Variants in KCNH5 observed in about 807,000 individuals in gnomAD.
The protein encoded by KCNH5 is voltage-gated delayed rectifier potassium channel KCNH5.
KCNH5 carries 46 observed loss-of-function variants against 96.1 expected under a neutral mutation model. The observed-to-expected ratio is 0.48, with a 90% CI of 0.38 to 0.61. The LOEUF is 0.61. KCNH5 is among the 20% of genes least tolerant of loss of function. The probability of loss-of-function intolerance (pLI) is 0.00; values close to 1 mark genes in which losing one functional copy is unlikely to be tolerated. For synonymous variants in KCNH5, 439 were observed against 449.8 expected (o/e 0.98, Z 0.30); for missense variants, 907 against 1,225.8 (o/e 0.74, Z 3.88).
At chr14:62,772,808 T>C (rs1468465775) in intron 10 of KCNH5, among the ~76,000 whole-genome samples, 1 of 152,178 alleles carries the variant, frequency 6.6e-6, no homozygotes, top group East Asian at 1.9e-4. Context: ...TCTTAAACAA[T>C]ACTCATATGA....
intron 4 of KCNH5, among the ~76,000 whole-genome samples, chr14:63,000,107 C>G (rs1323862642): frequency 6.6e-6 from 1 of 152,006 alleles, no homozygotes; most frequent in African/African-American, 2.4e-5. Context: ...TGATGTTAAC[C>G]AGAAACTGAG....
chr14:62,795,927 G>T (rs917230323), intron 9 of KCNH5, among the ~76,000 whole-genome samples: 3 of 152,080 alleles, frequency 2.0e-5, no homozygotes, highest in African/African-American at 7.2e-5. Context: ...GAGAGAAAAA[G>T]TATTCTAAAT....
rs144292235 is a variant in KCNH5 at position 63,003,013 on chromosome 14, A to G, written c.305-1554T>C. Among the ~76,000 whole-genome samples, 1,085 of 152,280 alleles carry G rather than the reference A, an allele frequency of 7.1e-3. 1 individual carries two copies. The highest frequency in any genetic ancestry group is 0.031 in the Middle Eastern group (9 of 294). The stretch of plus-strand genomic sequence containing the variant: ...TGGCCTGTAGCTATTCCAACACAGT[A>G]AGCTTGAGGCAGAAGGGTCATAAAC... On this transcript the variant is annotated intron_variant, in intron 3 of 10. Coordinates refer to ENST00000322893, the MANE Select transcript of KCNH5 (RefSeq NM_139318.5).
chr14:62,867,385 C>T (rs927803657), intron 7 of KCNH5, among the ~76,000 whole-genome samples: 3 of 152,154 alleles, frequency 2.0e-5, no homozygotes, highest in African/African-American at 7.2e-5. Context: ...TGATACTTCA[C>T]ACCCCAAAAC....
chr14:62,861,807 C>G (rs17823609), intron 7 of KCNH5, among the ~76,000 whole-genome samples: 21,183 of 152,038 alleles, frequency 0.14, 1,702 homozygotes, highest in East Asian at 0.28. Flanking sequence ...AATGATAAGA[C>G]TTCAGCTATG....
intron 7 of KCNH5, among the ~76,000 whole-genome samples, chr14:62,948,392 T>A (rs1889935109): frequency 6.6e-6 from 1 of 151,968 alleles, no homozygotes; most frequent in African/African-American, 2.4e-5. Flanking sequence ...TCTACGCAAA[T>A]AAACTAGAAA....
rs1884477605 is a variant in KCNH5 at position 62,708,068 on chromosome 14, T to C, written c.2407A>G (p.Met803Val). The change falls in exon 11 of 11, where the codon ATG becomes GTG. Residue 803 changes from methionine to valine, a missense_variant. By Grantham distance (21) the Met-to-Val change is conservative (BLOSUM62 1). Coordinates refer to ENST00000322893, the MANE Select transcript of KCNH5 (RefSeq NM_139318.5). ...CACCCTTTTCCATTTCCATTCTTCA[T>C]TCTTATTGGGCTGTTGACTTTGAGA... ...KCLKVNSPIR[M>V]KNGNGKGWLR... is the part of the protein sequence containing the mutation. 1 of 1,614,118 alleles carries C rather than the reference T, an allele frequency of 6.2e-7. No homozygotes were observed. The highest frequency in any genetic ancestry group is 1.1e-5 in the South Asian group (1 of 91,088).
In KCNH5 at chr14:62,802,426, G is replaced by A. The variant is rs1451770401; in HGVS notation, c.1725C>T (p.Asp575=). The A allele has an allele frequency of 1.9e-6, 3 of 1,613,976 alleles. No individual in the cohort carries two copies. The highest frequency in any genetic ancestry group is 2.5e-6 in the Non-Finnish European group (3 of 1,180,006). ...CACTTTCTCCAGCATGGTAAATGAG[G>A]TCCCCGGGAGCACAGTGAATGGTTT... ...EFQTIHCAPG[D]LIYHAGESVD... The change falls in exon 9 of 11, where the codon GAC becomes GAT. Residue 575 remains aspartate (D), a synonymous_variant. Transcript: ENST00000322893.
intron 7 of KCNH5, among the ~76,000 whole-genome samples, chr14:62,885,852 T>C (rs1367435876): frequency 1.3e-5 from 2 of 152,318 alleles, no homozygotes; most frequent in African/African-American, 2.4e-5. Context: ...AAATATAACA[T>C]TAATGAGAGA....
At chr14:62,835,655 A>T (rs1283733725) in intron 8 of KCNH5, among the ~76,000 whole-genome samples, 4 of 152,064 alleles carry the variant, frequency 2.6e-5, no homozygotes, top group African/African-American at 4.8e-5. Context: ...TGATGCCTTG[A>T]CACTAACATT....
intron 7 of KCNH5, among the ~76,000 whole-genome samples, chr14:62,879,104 A>G (rs1348542062): frequency 6.6e-6 from 1 of 152,160 alleles, no homozygotes; most frequent in African/African-American, 2.4e-5. Context: ...AATAAAAACA[A>G]AAACAATTAT....
At chr14:62,909,835 C>A (rs933218710) in intron 7 of KCNH5, among the ~76,000 whole-genome samples, 2 of 152,268 alleles carry the variant, frequency 1.3e-5, no homozygotes, top group South Asian at 4.2e-4. Flanking sequence ...TACAAACCCC[C>A]CAAACACACT....
At chr14:63,006,517 C>T (rs1031467692) in intron 2 of KCNH5, 45 bp from the exon 3 acceptor site, 15 of 1,098,898 alleles carry the variant, frequency 1.4e-5, no homozygotes, top group East Asian at 9.5e-5. Context: ...TTTTGTGTTG[C>T]CTTTCAAATG....
intron 8 of KCNH5, among the ~76,000 whole-genome samples, chr14:62,848,131 A>G (rs1887734810): frequency 3.3e-5 from 5 of 152,306 alleles, no homozygotes; most frequent in South Asian, 4.1e-4. Flanking sequence ...ATTAGTTACC[A>G]TGTGGCTCTA....
Position 62,726,131 on chromosome 14 carries a change from C to T in KCNH5, c.2020-17676G>A, listed in dbSNP as rs74694366. Among the ~76,000 whole-genome samples, 77 of 152,100 alleles carry T rather than the reference C, an allele frequency of 5.1e-4. 2 individuals are homozygous for T. The East Asian group carries it at 0.011, about 22-fold the overall frequency. On this transcript the variant is annotated intron_variant, in intron 10 of 10. Transcript: ENST00000322893. ...ATGTATCTTGACCTTTACCTCACACCGTATAACTAAATCAACTCTAAATAG... is the reference window on the plus strand; with the variant it reads ...ATGTATCTTGACCTTTACCTCACACTGTATAACTAAATCAACTCTAAATAG...
intron 4 of KCNH5, among the ~76,000 whole-genome samples, chr14:62,997,749 A>G (rs1890932929): frequency 6.6e-6 from 1 of 151,678 alleles, no homozygotes; most frequent in Admixed American, 6.6e-5. Context: ...TACAAAAAAA[A>G]ATTAACCGGG....
intron 7 of KCNH5, among the ~76,000 whole-genome samples, chr14:62,909,221 A>AT (rs1195395503): frequency 6.7e-6 from 1 of 149,272 alleles, no homozygotes; most frequent in African/African-American, 2.5e-5. Flanking sequence ...AATTTTTTGT[A>AT]TTTTTAGTAG....
intron 5 of KCNH5, 127 bp from the exon 6 acceptor site, chr14:62,981,391 A>G (rs1418243345): frequency 1.7e-5 from 15 of 879,110 alleles, no homozygotes; most frequent in Non-Finnish European, 2.4e-5. Context: ...TCTTCTCCTG[A>G]GTTGTCCTAA....
At chr14:62,967,959 G>A (rs1890334180) in intron 6 of KCNH5, among the ~76,000 whole-genome samples, 2 of 152,056 alleles carry the variant, frequency 1.3e-5, no homozygotes, top group Non-Finnish European at 2.9e-5. Context: ...ATCAAATAAA[G>A]GAAGCTCAAT....
Sources: allele counts gnomAD v4.1 joint callset (sites outside exome capture counted in the v4.1 genomes callset), GRCh38; gene constraint gnomAD v4.1.1; transcripts MANE v1.5; gene names NCBI Gene and HGNC (gene_info 2026-07-23, HGNC 2026-07-21).